Variants in ADGRL3 observed in about 807,000 individuals in gnomAD.
ADGRL3 encodes calcium-independent alpha-latrotoxin receptor 3.
In ADGRL3, 62 loss-of-function variants were observed where a neutral mutation model predicts 153.5. The ratio of observed to expected loss-of-function variants is 0.40; its 90% CI spans 0.33 to 0.50. The LOEUF is 0.50. Ranked by LOEUF, ADGRL3 falls within the 20% of genes least tolerant of loss-of-function variation. The pLI is 0.47. For synonymous variants in ADGRL3, 710 were observed against 672.5 expected, an observed-to-expected ratio of 1.06 and a Z score of -0.86; for missense variants, 1,641 against 1,859.4, an observed-to-expected ratio of 0.88 and a Z score of 2.16.
At chr4:61,730,410 A>G (rs1348233362) in intron 6 of ADGRL3, among the ~76,000 whole-genome samples, 1 of 151,878 alleles carries the variant, frequency 6.6e-6, no homozygotes, top group Non-Finnish European at 1.5e-5. Flanking sequence ...CTCAAAGTTT[A>G]CATTTTAAAG....
chr4:61,362,669 G>C (rs1299531420), intron 1 of ADGRL3, among the ~76,000 whole-genome samples: 1 of 152,048 alleles, frequency 6.6e-6, no homozygotes, highest in Non-Finnish European at 1.5e-5. Context: ...CATCATAAAG[G>C]TTTTCAGCCT....
intron 9 of ADGRL3, among the ~76,000 whole-genome samples, chr4:61,888,734 C>T (rs1438007073): frequency 1.3e-5 from 2 of 152,110 alleles, no homozygotes; most frequent in African/African-American, 4.8e-5. Flanking sequence ...TATATTGATC[C>T]CTAACATTAG....
intron 1 of ADGRL3, among the ~76,000 whole-genome samples, chr4:61,299,146 C>T (rs1263623226): frequency 7.9e-5 from 12 of 151,998 alleles, no homozygotes; most frequent in African/African-American, 1.4e-4. Flanking sequence ...ACATGCCCGC[C>T]GTCCCCATCT....
In ADGRL3 at chr4:61,384,364, ATTAT is replaced by A. The variant is rs140349946; in HGVS notation, c.-174+1178_-174+1181del. On this transcript the variant is annotated intron_variant, in intron 2 of 26. Transcript: ENST00000683033. ...TCAGTCACATTTGCAAACAATTAAT[ATTAT>A]TTCCTTCTTTCAGAATAGATGTGAT... is the stretch of plus-strand genomic sequence containing the variant. Among the ~76,000 whole-genome samples the A allele has an allele frequency of 4.6e-3, 704 of 151,718 alleles. 6 individuals are homozygous for A. The highest frequency in any genetic ancestry group is 0.016 in the African/African-American group (673 of 41,494).
chr4:61,288,521 G>C (rs898019853), intron 1 of ADGRL3, among the ~76,000 whole-genome samples: 3 of 151,914 alleles, frequency 2.0e-5, no homozygotes, highest in African/African-American at 7.2e-5. Context: ...AGAATATAGT[G>C]AATTGAATAA....
intron 2 of ADGRL3, among the ~76,000 whole-genome samples, chr4:61,421,118 A>G (rs1167398607): frequency 6.6e-6 from 1 of 152,114 alleles, no homozygotes; most frequent in African/African-American, 2.4e-5. Flanking sequence ...GCGGATCACG[A>G]GGTCAGGAGA....
chr4:61,375,828 T>G (rs2096596362), intron 1 of ADGRL3, among the ~76,000 whole-genome samples: 1 of 152,124 alleles, frequency 6.6e-6, no homozygotes, highest in Non-Finnish European at 1.5e-5. Context: ...GTAGAAGCAA[T>G]AGCAATCAGT....
At chr4:61,759,205 T>C (rs1022933110) in intron 8 of ADGRL3, among the ~76,000 whole-genome samples, 1 of 152,212 alleles carries the variant, frequency 6.6e-6, no homozygotes, top group Non-Finnish European at 1.5e-5. Flanking sequence ...TTTCCTGTAT[T>C]TGAATGTTGG....
intron 1 of ADGRL3, among the ~76,000 whole-genome samples, chr4:61,347,416 T>C (rs2151256791): frequency 1.3e-5 from 2 of 152,248 alleles, no homozygotes; most frequent in South Asian, 4.1e-4. Context: ...CACATTGTGT[T>C]ATTAACACAC....
intron 2 of ADGRL3, among the ~76,000 whole-genome samples, chr4:61,493,581 C>T (rs1324411279): frequency 6.6e-6 from 1 of 151,990 alleles, no homozygotes; most frequent in Non-Finnish European, 1.5e-5. Flanking sequence ...AAATAATTTT[C>T]TCTCCTCCTC....
intron 6 of ADGRL3, among the ~76,000 whole-genome samples, chr4:61,710,437 A>G (rs1011519087): frequency 6.6e-6 from 1 of 152,154 alleles, no homozygotes; most frequent in African/African-American, 2.4e-5. Context: ...CTTACTTGCA[A>G]GATTCCATGT....
chr4:61,718,464 G>A (rs1418285872), intron 6 of ADGRL3, among the ~76,000 whole-genome samples: 1 of 152,120 alleles, frequency 6.6e-6, no homozygotes, highest in South Asian at 2.1e-4. Context: ...TCATTACATA[G>A]TTGTTCCTGA....
intron 19 of ADGRL3, among the ~76,000 whole-genome samples, chr4:61,986,749 C>T (rs1378929083): frequency 1.3e-5 from 2 of 152,184 alleles, no homozygotes; most frequent in African/African-American, 4.8e-5. Context: ...GGGGGCATAA[C>T]ACATGTTAGT....
chr4:62,053,026 A>G (rs1560558210), intron 25 of ADGRL3, among the ~76,000 whole-genome samples: 5 of 151,542 alleles, frequency 3.3e-5, no homozygotes, highest in Admixed American at 3.3e-4. Context: ...TGTGTCTCTC[A>G]TCTGGAAAAA....
intron 9 of ADGRL3, among the ~76,000 whole-genome samples, chr4:61,883,763 T>C (rs890462673): frequency 6.6e-6 from 1 of 152,210 alleles, no homozygotes; most frequent in Non-Finnish European, 1.5e-5. Flanking sequence ...TGACAGATTT[T>C]TTTTTTCTTT....
At chr4:61,480,783 A>AAAATAAAT (rs147263201) in intron 2 of ADGRL3, among the ~76,000 whole-genome samples, 4 of 151,652 alleles carry the variant, frequency 2.6e-5, no homozygotes, top group African/African-American at 4.8e-5. Context: ...ACTCCTTCTC[A>AAAATAAAT]AAATAAATAA....
intron 2 of ADGRL3, among the ~76,000 whole-genome samples, chr4:61,473,381 C>T (rs548818718): frequency 3.9e-5 from 6 of 151,972 alleles, no homozygotes; most frequent in Admixed American, 1.3e-4. Context: ...ACCAAACACA[C>T]GGCGAGGGTG....
intron 8 of ADGRL3, among the ~76,000 whole-genome samples, chr4:61,764,439 C>T (rs1293766560): frequency 8.6e-6 from 1 of 116,668 alleles, no homozygotes; most frequent in Admixed American, 8.6e-5. Flanking sequence ...GCTCAGTGGG[C>T]AGGAGTGGGG....
chr4:61,857,644 TTTCC>T (rs1192000765), intron 9 of ADGRL3, among the ~76,000 whole-genome samples: 11 of 149,896 alleles, frequency 7.3e-5, no homozygotes, highest in South Asian at 2.1e-4. Context: ...TTTCTGTCTT[TTTCC>T]TTCCTTCCTT....
Sources: gnomAD v4.1 joint callset for allele counts (sites outside exome capture counted in the v4.1 genomes callset) on GRCh38, gnomAD v4.1.1 for gene constraint, MANE v1.5 for transcripts, NCBI Gene and HGNC (gene_info 2026-07-23, HGNC 2026-07-21) for gene names.